CDH8: variants seen among roughly 807,000 people sequenced by gnomAD.
The protein encoded by CDH8 is cadherin-8.
Under a neutral mutation model 68.1 loss-of-function variants are expected in CDH8, and 17 were observed. The ratio of observed to expected loss-of-function variants is 0.25; its 90% CI spans 0.17 to 0.37. The LOEUF is 0.37. Ranked by LOEUF, CDH8 falls within the 10% of genes least tolerant of loss-of-function variation. CDH8 has a pLI of 1.00. For missense variants in CDH8, 763 were observed against 999.3 expected (o/e 0.76, Z 3.19); for synonymous variants, 372 against 365.1 (o/e 1.02, Z -0.21).
rs182127140 is a variant in CDH8 at position 61,911,685 on chromosome 16, T to C, written c.253-10212A>G. Among the ~76,000 whole-genome samples, 67 of 151,064 alleles carry C rather than the reference T, an allele frequency of 4.4e-4. 1 individual carries two copies. The highest frequency in any genetic ancestry group is 1.6e-3 in the African/African-American group (66 of 41,240). On this transcript the variant is annotated intron_variant, in intron 2 of 11. Transcript: ENST00000577390. ...ATAGGTAGATGAATAGAGATATAGA[T>C]ATGTGTATAGATATGGATACCGATA...
Position 62,008,066 on chromosome 16 carries a change from C to G in CDH8, c.252+13086G>C, listed in dbSNP as rs2150601807. On this transcript the variant is annotated intron_variant, in intron 2 of 11. Transcript: ENST00000577390. ...TCTCCTGCCTCAGCCTCTGGAGTAG[C>G]TGGAACCACAGGTGCATGCCACCAC... is the stretch of plus-strand genomic sequence containing the variant. Among the ~76,000 whole-genome samples, 2 of 152,130 alleles carry G rather than the reference C, an allele frequency of 1.3e-5. 1 individual carries two copies. The highest frequency in any genetic ancestry group is 4.2e-4 in the South Asian group (2 of 4,816).
At chr16:61,970,920 AT>A (rs1170456069) in intron 2 of CDH8, among the ~76,000 whole-genome samples, 1 of 152,204 alleles carries the variant, frequency 6.6e-6, no homozygotes, top group Non-Finnish European at 1.5e-5. Context: ...CACCATTGTG[AT>A]TTGTTCCTTC....
intron 3 of CDH8, among the ~76,000 whole-genome samples, chr16:61,885,711 CA>C (rs5817322): frequency 0.58 from 67,982 of 116,276 alleles, 18,119 homozygotes; most frequent in African/African-American, 0.79. Context: ...AATAGCAATC[CA>C]AAAAAAAAAA....
rs977021874 is a variant in CDH8 at position 61,977,093 on chromosome 16, A to C, written c.252+44059T>G. Among the ~76,000 whole-genome samples, 6 of 152,250 alleles carry C rather than the reference A, an allele frequency of 3.9e-5. No homozygotes were observed. The South Asian group carries it at 1.2e-3, about 32-fold the overall frequency. On this transcript the variant is annotated intron_variant, in intron 2 of 11. Transcript: ENST00000577390. ...GGCACCATCTGTCAAAAAATAAATA[A>C]ACTCTTACTGCTGTGGGATTAAGAA...
intron 7 of CDH8, among the ~76,000 whole-genome samples, chr16:61,814,796 G>C (rs1962035752): frequency 2.6e-5 from 4 of 152,166 alleles, no homozygotes; most frequent in African/African-American, 9.7e-5. Context: ...CATTGCTCTG[G>C]CTAGTCAGGA....
intron 7 of CDH8, among the ~76,000 whole-genome samples, chr16:61,814,144 T>C (rs1293000018): frequency 6.6e-6 from 1 of 152,208 alleles, no homozygotes; most frequent in African/African-American, 2.4e-5. Context: ...AGAAAGATGA[T>C]ATTATCCCAT....
intron 3 of CDH8, among the ~76,000 whole-genome samples, chr16:61,895,248 T>C (rs1963850531): frequency 6.6e-6 from 1 of 152,118 alleles, no homozygotes; most frequent in African/African-American, 2.4e-5. Flanking sequence ...AATGCTCTTA[T>C]AAACAGAATT....
At chr16:61,748,252 T>A (rs184730744) in intron 8 of CDH8, among the ~76,000 whole-genome samples, 2 of 152,178 alleles carry the variant, frequency 1.3e-5, no homozygotes, top group Admixed American at 1.3e-4. Flanking sequence ...TTTTTAAGAT[T>A]ACATGCTGTT....
intron 3 of CDH8, among the ~76,000 whole-genome samples, chr16:61,865,721 A>G (rs1247014304): frequency 6.6e-6 from 1 of 152,216 alleles, no homozygotes; most frequent in Non-Finnish European, 1.5e-5. Flanking sequence ...ACAGAAAAAG[A>G]AAAGTATTTT....
intron 2 of CDH8, among the ~76,000 whole-genome samples, chr16:61,930,951 A>G (rs912701344): frequency 2.6e-5 from 4 of 152,204 alleles, no homozygotes; most frequent in African/African-American, 9.7e-5. Context: ...AAAAAAGTCA[A>G]ACTTGCTTCC....
chr16:61,675,609 T>TA (rs564292780), intron 10 of CDH8, among the ~76,000 whole-genome samples: 2 of 82,780 alleles, frequency 2.4e-5, no homozygotes, highest in Admixed American at 1.1e-4. Context: ...TAAAAAAAAA[T>TA]AAAAAAAATA....
chr16:61,672,890 T>C (rs899251956), intron 10 of CDH8, among the ~76,000 whole-genome samples: 2 of 152,120 alleles, frequency 1.3e-5, no homozygotes, highest in African/African-American at 4.8e-5. Context: ...TAACACAGTG[T>C]AAATCCATCA....
chr16:61,782,211 G>A (rs957029050), intron 8 of CDH8, among the ~76,000 whole-genome samples: 1 of 152,186 alleles, frequency 6.6e-6, no homozygotes, highest in African/African-American at 2.4e-5. Flanking sequence ...CCAGACAGTG[G>A]GCGCAGGCCA....
chr16:61,908,649 A>G (rs933615929), intron 2 of CDH8, among the ~76,000 whole-genome samples: 3 of 152,240 alleles, frequency 2.0e-5, no homozygotes, highest in African/African-American at 7.2e-5. Flanking sequence ...GGAGCTGAAT[A>G]AAGCATCATG....
intron 1 of CDH8, among the ~76,000 whole-genome samples, chr16:62,027,565 A>C (rs968512464): frequency 3.3e-5 from 5 of 152,206 alleles, no homozygotes; most frequent in Admixed American, 2.0e-4. Flanking sequence ...ACAGAGGACC[A>C]GTGAGTTTCT....
At chr16:61,871,139 C>CACACACACAT (rs984047300) in intron 3 of CDH8, among the ~76,000 whole-genome samples, 1 of 151,980 alleles carries the variant, frequency 6.6e-6, no homozygotes, top group Non-Finnish European at 1.5e-5. Context: ...AACACACACA[C>CACACACACAT]ACACACACAT....
rs563712820 is a variant in CDH8 at position 61,904,235 on chromosome 16, C to T, written c.253-2762G>A. Among the ~76,000 whole-genome samples, 7 of 152,318 alleles carry T rather than the reference C, an allele frequency of 4.6e-5. No individual in the cohort carries two copies. In the South Asian group the frequency reaches 1.2e-3, roughly 27 times the overall value. The stretch of plus-strand genomic sequence containing the variant: ...CAGAGAGCAACGTCACCTGAGGCTG[C>T]AGGTCTGGCCCTCCAAGTACAGAAT... On this transcript the variant is annotated intron_variant, in intron 2 of 11. Coordinates refer to ENST00000577390, the MANE Select transcript of CDH8 (RefSeq NM_001796.5).
chr16:61,732,320 A>G (rs961278217), intron 8 of CDH8, among the ~76,000 whole-genome samples: 3 of 151,856 alleles, frequency 2.0e-5, no homozygotes, highest in Non-Finnish European at 4.4e-5. Context: ...CATATCTAAA[A>G]TGCTAAAAGC....
intron 7 of CDH8, among the ~76,000 whole-genome samples, chr16:61,796,781 G>C (rs1961511626): frequency 6.6e-6 from 1 of 152,022 alleles, no homozygotes; most frequent in African/African-American, 2.4e-5. Context: ...TTAGCAACTT[G>C]TTCAAAGACG....
Sources: gnomAD v4.1 joint callset for allele counts (sites outside exome capture counted in the v4.1 genomes callset) on GRCh38, gnomAD v4.1.1 for gene constraint, MANE v1.5 for transcripts, NCBI Gene and HGNC (gene_info 2026-07-23, HGNC 2026-07-21) for gene names.